Variants in NEXMIF observed in about 807,000 individuals in gnomAD.
NEXMIF encodes neurite extension and migration factor.
NEXMIF carries 8 observed loss-of-function variants against 62.1 expected under a neutral mutation model. The observed-to-expected ratio is 0.13, with a 90% CI of 0.08 to 0.23. NEXMIF has a LOEUF of 0.23. Ranked by LOEUF, NEXMIF falls within the 10% of genes least tolerant of loss-of-function variation. The pLI is 1.00. For missense variants in NEXMIF, 976 were observed against 1,113.3 expected, an observed-to-expected ratio of 0.88 and a Z score of 1.75; for synonymous variants, 404 against 416.6, an observed-to-expected ratio of 0.97 and a Z score of 0.37.
intron 1 of NEXMIF, among the ~76,000 whole-genome samples, chrX:74,882,657 A>T (rs1029959212): frequency 8.9e-5 from 10 of 112,215 alleles, no homozygotes; most frequent in African/African-American, 1.9e-4. Flanking sequence ...GGAAGCTCGA[A>T]CTGGGTGGAG....
intron 1 of NEXMIF, among the ~76,000 whole-genome samples, chrX:74,889,661 T>A (rs1040542205): frequency 3.8e-5 from 4 of 104,721 alleles, no homozygotes; most frequent in African/African-American, 1.5e-4. Context: ...TGAGGTGGCA[T>A]ATCTAGTTAT....
intron 1 of NEXMIF, among the ~76,000 whole-genome samples, chrX:74,864,835 A>T (rs969903559): frequency 9.1e-6 from 1 of 110,371 alleles, no homozygotes; most frequent in Non-Finnish European, 1.9e-5. Flanking sequence ...CAGCCTCCTG[A>T]GTAGCTGGGA....
chrX:74,762,315 A>G (rs1336096454), intron 1 of NEXMIF, among the ~76,000 whole-genome samples: 1 of 111,441 alleles, frequency 9.0e-6, no homozygotes, highest in Admixed American at 9.6e-5. Flanking sequence ...ATGGCTGCAT[A>G]GTATTCCATG....
intron 1 of NEXMIF, among the ~76,000 whole-genome samples, chrX:74,746,124 C>G (rs745632798): frequency 1.1e-4 from 12 of 112,221 alleles, no homozygotes; most frequent in African/African-American, 3.9e-4. Context: ...ATTTCTATTT[C>G]AAATGATCAG....
chrX:74,877,991 TGTCA>T (rs1481086330), intron 1 of NEXMIF, among the ~76,000 whole-genome samples: 8 of 112,347 alleles, frequency 7.1e-5, no homozygotes, highest in African/African-American at 1.6e-4. Flanking sequence ...TCTCTCAGCT[TGTCA>T]GTCATTCTCC....
chrX:74,886,970 G>T (rs980188339), intron 1 of NEXMIF, among the ~76,000 whole-genome samples: 5 of 111,144 alleles, frequency 4.5e-5, no homozygotes, highest in Non-Finnish European at 7.5e-5. Context: ...CAATGGAACA[G>T]AACAGAGCCC....
intron 1 of NEXMIF, among the ~76,000 whole-genome samples, chrX:74,886,595 A>T (rs1179935725): frequency 1.8e-5 from 2 of 111,277 alleles, no homozygotes; most frequent in African/African-American, 6.6e-5. Context: ...CTTACAAGGG[A>T]TGTGAAGGAC....
chrX:74,819,350 T>C (rs1183129297), intron 1 of NEXMIF, among the ~76,000 whole-genome samples: 4 of 111,395 alleles, frequency 3.6e-5, no homozygotes. Flanking sequence ...TAATTAAACT[T>C]AAAGAGCTTC....
intron 1 of NEXMIF, among the ~76,000 whole-genome samples, chrX:74,855,631 G>T (rs1195985471): frequency 8.9e-6 from 1 of 111,951 alleles, no homozygotes; most frequent in Admixed American, 9.5e-5. Context: ...CCTGAAAAAG[G>T]CCTAAGCTCC....
intron 1 of NEXMIF, among the ~76,000 whole-genome samples, chrX:74,779,077 T>A (rs1055226313): frequency 1.8e-5 from 2 of 112,530 alleles, no homozygotes; most frequent in Non-Finnish European, 3.7e-5. Flanking sequence ...CTGCTGCAAA[T>A]AGGTCAAGTT....
chrX:74,785,380 T>A (rs752406982), intron 1 of NEXMIF, among the ~76,000 whole-genome samples: 10 of 111,508 alleles, frequency 9.0e-5, no homozygotes, highest in African/African-American at 3.3e-4. Context: ...AATCTTTTTT[T>A]GTGGTTAAGG....
intron 1 of NEXMIF, among the ~76,000 whole-genome samples, chrX:74,869,629 A>G (rs6647073): frequency 0.25 from 27,427 of 111,508 alleles, 4,049 homozygotes; most frequent in East Asian, 0.93. Context: ...AAAGTTGCAG[A>G]ATATGCTATC....
At chrX:74,809,293 A>G (rs1356754265) in intron 1 of NEXMIF, among the ~76,000 whole-genome samples, 1 of 112,355 alleles carries the variant, frequency 8.9e-6, no homozygotes, top group African/African-American at 3.2e-5. Flanking sequence ...ATAAAAATAA[A>G]AAGTAAAAGT....
chrX:74,860,012 C>A (rs2080551159), intron 1 of NEXMIF, among the ~76,000 whole-genome samples: 1 of 111,197 alleles, frequency 9.0e-6, no homozygotes, highest in African/African-American at 3.3e-5. Flanking sequence ...AGAGAAGTAA[C>A]AAAATGGTAG....
chrX:74,919,663 T>A (rs2080819692), intron 1 of NEXMIF, among the ~76,000 whole-genome samples: 1 of 110,846 alleles, frequency 9.0e-6, no homozygotes, highest in Admixed American at 9.6e-5. Context: ...TTAGGGTACA[T>A]GTGCACAATG....
intron 1 of NEXMIF, among the ~76,000 whole-genome samples, chrX:74,807,880 C>G (rs1296805704): frequency 8.9e-6 from 1 of 112,015 alleles, no homozygotes; most frequent in African/African-American, 3.2e-5. Flanking sequence ...TAGTTTCTCA[C>G]CATTCAGTAT....
chrX:74,740,236 C>T lies in NEXMIF; in HGVS notation c.4321G>A (p.Gly1441Arg), dbSNP rs745720102. The T allele has an allele frequency of 2.4e-5, 29 of 1,209,361 alleles. No homozygotes were observed. Among genetic ancestry groups the T allele is most frequent in the African/African-American group, 3.5e-5 (2 of 56,918 alleles). ...YSNMSTLGNN[G>R]PTHKKLYRHK... ...CGATACAACTTTTTGTGTGTCGGTC[C>T]GTTATTGCCTAAAGTGCTCATGTTA... Residue 1441 changes from glycine to arginine, a missense_variant, in exon 3 of 4, where the codon GGA (glycine) becomes AGA (arginine). Gly to Arg is a moderately radical substitution (Grantham distance 125). Around this residue, in one of 5 missense-constraint regions of NEXMIF, gnomAD observed 137 missense variants for 128.9 expected, o/e 1.06. Transcript: ENST00000055682.
intron 1 of NEXMIF, among the ~76,000 whole-genome samples, chrX:74,898,242 A>G (rs1279951139): frequency 8.9e-6 from 1 of 112,332 alleles, no homozygotes; most frequent in Admixed American, 9.4e-5. Flanking sequence ...GATAGCATGT[A>G]TCCTTAATAC....
intron 1 of NEXMIF, among the ~76,000 whole-genome samples, chrX:74,853,705 C>CA (rs2080523995): frequency 9.2e-6 from 1 of 109,138 alleles, no homozygotes; most frequent in Non-Finnish European, 1.9e-5. Flanking sequence ...TTAAGCTAAC[C>CA]AAAAAAAGAG....
Sources: gnomAD v4.1 joint callset for allele counts (sites outside exome capture counted in the v4.1 genomes callset) on GRCh38, gnomAD v4.1.1 for gene constraint, gnomAD v4.1.1 regional missense constraint, MANE v1.5 for transcripts, NCBI Gene and HGNC (gene_info 2026-07-23, HGNC 2026-07-21) for gene names.